The following ZNF644 variants were observed in gnomAD, a reference collection of about 807,000 sequenced individuals.
The protein encoded by ZNF644 is zinc finger protein 644.
In ZNF644, 20 loss-of-function variants were observed where a neutral mutation model predicts 108.0. The ratio of observed to expected loss-of-function variants is 0.19; its 90% confidence interval spans 0.13 to 0.27. ZNF644 has a LOEUF of 0.27. Among genes scored for constraint, ZNF644 ranks in the 10% least tolerant of loss-of-function variants. ZNF644 has a pLI of 1.00. For missense variants in ZNF644, 1,338 were observed against 1,548.9 expected, an observed-to-expected ratio of 0.86 and a Z score of 2.29; for synonymous variants, 542 against 539.1, an observed-to-expected ratio of 1.01 and a Z score of -0.08.
intron 1 of ZNF644, among the ~76,000 whole-genome samples, chr1:91,016,859 C>G (rs1660477861): frequency 6.6e-6 from 1 of 152,172 alleles, no homozygotes. Context: ...GAGACAGGGT[C>G]TCACTCTGTC....
At chr1:91,014,497 T>G (rs564983440) in intron 1 of ZNF644, among the ~76,000 whole-genome samples, 3 of 152,328 alleles carry the variant, frequency 2.0e-5, no homozygotes, top group Non-Finnish European at 2.9e-5. Context: ...TTCATCTATA[T>G]TTTACTTATA....
chr1:90,924,005 T>G (rs1201408827), intron 4 of ZNF644, among the ~76,000 whole-genome samples: 1 of 152,150 alleles, frequency 6.6e-6, no homozygotes, highest in Non-Finnish European at 1.5e-5. Context: ...CTCCACTATT[T>G]CAAAGTAGAG....
intron 4 of ZNF644, among the ~76,000 whole-genome samples, chr1:90,926,981 T>C (rs1650107368): frequency 6.6e-6 from 1 of 152,182 alleles, no homozygotes; most frequent in African/African-American, 2.4e-5. Flanking sequence ...ACTTTACCAG[T>C]CCAACTCAAT....
rs35761791 is a variant in ZNF644, at chr1:91,007,225, GTTT to G, written c.-18+14762_-18+14764del. ...AATTTCTTCCATTTTCTCCCATTTTGTTTTTTTTTTTTTTTTTTTTTTTTTTTT... is the reference window on the plus strand; with the variant it reads ...AATTTCTTCCATTTTCTCCCATTTTGTTTTTTTTTTTTTTTTTTTTTTTTT... On this transcript the variant is annotated intron_variant, in intron 1 of 5. Transcript: ENST00000337393. 6.3e-3 allele frequency among the ~76,000 whole-genome samples: 354 copies of G among 55,944 alleles called. 2 individuals carry two copies. Among genetic ancestry groups the G allele is most frequent in the African/African-American group, 0.026 (334 of 13,088 alleles). The allele number at this position is 55,944 out of a possible 152,430, so 36.7% of individuals were successfully genotyped here. A position where few individuals can be genotyped will look rare whatever the true frequency, so the allele number is the denominator to read the frequency against.
At chr1:90,968,815 T>C (rs1186254883) in intron 2 of ZNF644, among the ~76,000 whole-genome samples, 5 of 152,214 alleles carry the variant, frequency 3.3e-5, no homozygotes, top group South Asian at 2.1e-4. Flanking sequence ...TATTGATAAA[T>C]AGATACATTT....
intron 1 of ZNF644, among the ~76,000 whole-genome samples, chr1:90,982,581 G>A (rs1437897958): frequency 1.3e-5 from 2 of 151,672 alleles, no homozygotes; most frequent in Non-Finnish European, 2.9e-5. Context: ...CTTTTTTTGA[G>A]AAATAATAAT....
chr1:91,001,268 T>C (rs1375834044), intron 1 of ZNF644, among the ~76,000 whole-genome samples: 2 of 151,988 alleles, frequency 1.3e-5, no homozygotes, highest in Non-Finnish European at 2.9e-5. Context: ...CTGATGAACA[T>C]CGATGCAAAA....
rs1205969624 is a variant in ZNF644, at chr1:90,940,699, T to A, written c.655A>T (p.Ile219Leu). The A allele has an allele frequency of 2.5e-6, 4 of 1,614,006 alleles. No individual in the cohort carries two copies. The highest frequency in any genetic ancestry group is 3.3e-5 in the Admixed American group (2 of 59,990). Reference protein sequence around the residue: ...GSNIKSDGTLINQVEVGEDGE... With the variant: ...GSNIKSDGTLLNQVEVGEDGE... ...TCCTCACCCACCTCTACTTGATTTA[T>A]TAAAGTGCCATCTGACTTTATATTA... The change falls in exon 3 of 6, where the codon ATA becomes TTA. Residue 219 changes from isoleucine to leucine, a missense_variant. This residue lies in a region of ZNF644 where 464 missense variants were observed against 457.9 expected (regional missense o/e 1.01). Transcript: ENST00000337393.
At chr1:91,015,903 T>C (rs1232438925) in intron 1 of ZNF644, among the ~76,000 whole-genome samples, 1 of 152,212 alleles carries the variant, frequency 6.6e-6, no homozygotes, top group Admixed American at 6.5e-5. Flanking sequence ...TTACTCAGCA[T>C]TGTATGCCAG....
intron 4 of ZNF644, among the ~76,000 whole-genome samples, chr1:90,919,681 A>C (rs1001990597): frequency 6.6e-6 from 1 of 152,088 alleles, no homozygotes; most frequent in African/African-American, 2.4e-5. Flanking sequence ...CTAAACAACC[A>C]AACTCTGGAA....
chr1:90,939,950 A>T lies in ZNF644; in HGVS notation c.1404T>A (p.Ile468=). ...RDRNSLLKHM[I]IHQERRQKLM... ...ACTTCTGTCTTCTCTCCTGGTGAAT[A>T]ATCATATGTTTTAGAAGTGAATTGC... The change falls in exon 3 of 6, where the codon ATT becomes ATA. Residue 468 remains isoleucine, a synonymous_variant. Transcript: ENST00000337393. 6.2e-7 allele frequency: 1 copy of T among 1,614,066 alleles called. No individual in the cohort carries two copies. The highest frequency in any genetic ancestry group is 8.5e-7 in the Non-Finnish European group (1 of 1,179,958).
Position 90,920,213 on chromosome 1 carries a change from A to G in ZNF644, c.3689-2059T>C, listed in dbSNP as rs535635032. Among the ~76,000 whole-genome samples, 15 of 152,146 alleles carry G rather than the reference A, an allele frequency of 9.9e-5. No individual in the cohort carries two copies. The South Asian group carries it at 3.1e-3, about 32-fold the overall frequency. ...GAATAGAGCAGGCATTTGGTGTATC[A>G]TAAGATTACAGGTAGAATCTTACTT... On this transcript the variant is annotated intron_variant, in intron 4 of 5. Coordinates refer to ENST00000337393, the MANE Select transcript of ZNF644 (RefSeq NM_201269.3).
At chr1:90,931,132 TA>T (rs1650684800) in intron 4 of ZNF644, among the ~76,000 whole-genome samples, 1 of 152,154 alleles carries the variant, frequency 6.6e-6, no homozygotes, top group Admixed American at 6.5e-5. Flanking sequence ...ACTCCATTAA[TA>T]ACTTAATAGA....
At chr1:90,923,133 G>A (rs535490256) in intron 4 of ZNF644, among the ~76,000 whole-genome samples, 2 of 152,014 alleles carry the variant, frequency 1.3e-5, no homozygotes, top group Admixed American at 6.6e-5. Flanking sequence ...CAGCTTCATG[G>A]GTGTCCAACT....
intron 4 of ZNF644, among the ~76,000 whole-genome samples, chr1:90,930,644 C>A (rs1366495587): frequency 6.6e-6 from 1 of 151,916 alleles, no homozygotes. Flanking sequence ...TAATTTTTCA[C>A]AACAAAGAAT....
chr1:90,987,459 C>T (rs538128059), intron 1 of ZNF644, among the ~76,000 whole-genome samples: 2 of 151,808 alleles, frequency 1.3e-5, no homozygotes, highest in South Asian at 2.1e-4. Context: ...TAAAAATGTA[C>T]ACCTAGCAAA....
At position 90,939,998 on chromosome 1, in the gene ZNF644, T is replaced by C; in HGVS notation, c.1356A>G (p.Glu452=). ...LNVPRPYACR[E]CGRTFRDRNS... The stretch of plus-strand genomic sequence containing the variant: ...TGCGATCTCGAAATGTCCGTCCACA[T>C]TCTCTACAAGCATATGGCCTTGGGA... Residue 452 remains glutamate (E), a synonymous_variant, in exon 3 of 6, where the codon GAA becomes GAG. Coordinates refer to ENST00000337393, the MANE Select transcript of ZNF644 (RefSeq NM_201269.3). 6 of 1,614,080 alleles carry C rather than the reference T, an allele frequency of 3.7e-6. No individual in the cohort carries two copies. Among genetic ancestry groups the C allele is most frequent in the Non-Finnish European group, 5.1e-6 (6 of 1,179,974 alleles).
intron 2 of ZNF644, among the ~76,000 whole-genome samples, chr1:90,966,691 G>A (rs1445542951): frequency 2.0e-5 from 3 of 148,610 alleles, no homozygotes. Flanking sequence ...TGGAGGTTGT[G>A]GTGAACCAAG....
chr1:90,940,225 C>A lies in ZNF644; in HGVS notation c.1129G>T (p.Val377Phe), dbSNP rs749236025. 1.2e-6 allele frequency: 2 copies of A among 1,613,970 alleles called. No individual in the cohort carries two copies. The change falls in exon 3 of 6, where the codon GTT (valine) becomes TTT (phenylalanine). Residue 377 changes from valine to phenylalanine, a missense_variant. This residue lies in a region of ZNF644 where 464 missense variants were observed against 457.9 expected (regional missense o/e 1.01). Transcript: ENST00000337393. ...PDKCGEESSP[V>F]HTSTFLSNTL... Reference sequence around the variant, plus strand: ...TTTGAAAGAAAAGTGCTAGTATGAACAGGTGAACTCTCTTCTCCACACTTA... The same window carrying A: ...TTTGAAAGAAAAGTGCTAGTATGAAAAGGTGAACTCTCTTCTCCACACTTA...
Sources: allele counts gnomAD v4.1 joint callset (sites outside exome capture counted in the v4.1 genomes callset), GRCh38; gene constraint gnomAD v4.1.1; regional missense constraint gnomAD v4.1.1; transcripts MANE v1.5; gene names NCBI Gene and HGNC (gene_info 2026-07-23, HGNC 2026-07-21).